Variants in MGAT4C observed in about 807,000 individuals in gnomAD.
MGAT4C encodes MGAT4 family member C, also known as alpha-1,3-mannosyl-glycoprotein 4-beta-N-acetylglucosaminyltransferase C.
A neutral mutation model predicts 40.1 loss-of-function variants in MGAT4C; 19 were observed. That is an observed-to-expected ratio of 0.47 (90% CI 0.33 to 0.70). The LOEUF (loss-of-function observed/expected upper bound fraction) is 0.70. Ranked by LOEUF, MGAT4C falls within the 30% of genes least tolerant of loss-of-function variation. The pLI is 0.02. For missense variants in MGAT4C, 491 were observed against 563.2 expected, an observed-to-expected ratio of 0.87 and a Z score of 1.30; for synonymous variants, 181 against 187.1, an observed-to-expected ratio of 0.97 and a Z score of 0.27.
intron 3 of MGAT4C, among the ~76,000 whole-genome samples, chr12:86,393,126 A>C: frequency 1.3e-5 from 2 of 152,280 alleles, no homozygotes; most frequent in Middle Eastern, 6.9e-3. Flanking sequence ...ATACTTATTT[A>C]ACTTTGGATT....
At chr12:86,780,833 C>T (rs1210912187) in intron 1 of MGAT4C, among the ~76,000 whole-genome samples, 1 of 152,118 alleles carries the variant, frequency 6.6e-6, no homozygotes, top group East Asian at 1.9e-4. Flanking sequence ...TCTGAGTCTC[C>T]AATGTCTGTT....
chr12:86,393,692 G>A (rs1956196745), intron 3 of MGAT4C, among the ~76,000 whole-genome samples: 1 of 152,126 alleles, frequency 6.6e-6, no homozygotes, highest in African/African-American at 2.4e-5. Context: ...TCCAGCCTTG[G>A]AGGGTATAGT....
chr12:86,537,515 G>A (rs1186944858), intron 2 of MGAT4C, among the ~76,000 whole-genome samples: 3 of 151,612 alleles, frequency 2.0e-5, no homozygotes, highest in African/African-American at 4.8e-5. Context: ...CAACCAAAAA[G>A]GAAAAAAAAG....
upstream of MGAT4C, among the ~76,000 whole-genome samples, chr12:86,261,147 C>A (rs951961949): frequency 2.0e-5 from 3 of 152,062 alleles, no homozygotes; most frequent in African/African-American, 7.2e-5. Flanking sequence ...TCTAGCACTA[C>A]CTTGTACAGA....
intron 2 of MGAT4C, among the ~76,000 whole-genome samples, chr12:86,439,189 C>T (rs185828536): frequency 9.3e-4 from 141 of 151,926 alleles, no homozygotes; most frequent in African/African-American, 3.3e-3. Flanking sequence ...TCTCATCAGC[C>T]TACAAATCAT....
At chr12:86,409,559 C>T (rs577846340) in intron 3 of MGAT4C, among the ~76,000 whole-genome samples, 3 of 152,246 alleles carry the variant, frequency 2.0e-5, no homozygotes, top group South Asian at 4.1e-4. Context: ...AGAAAAATTA[C>T]TTCTACAAGG....
intron 1 of MGAT4C, among the ~76,000 whole-genome samples, chr12:86,813,827 TA>T (rs1952526502): frequency 2.0e-5 from 3 of 152,294 alleles, no homozygotes; most frequent in Admixed American, 2.0e-4. Context: ...TCCATTTATT[TA>T]AACATTCTAT....
At chr12:86,167,262 T>C (rs1250094752) in intron 1 of MGAT4C, among the ~76,000 whole-genome samples, 1 of 152,230 alleles carries the variant, frequency 6.6e-6, no homozygotes, top group African/African-American at 2.4e-5. Context: ...ATGATAGTTA[T>C]AGTCATACAA....
intron 2 of MGAT4C, among the ~76,000 whole-genome samples, chr12:86,512,139 A>C (rs1958598767): frequency 6.6e-6 from 1 of 152,182 alleles, no homozygotes; most frequent in Non-Finnish European, 1.5e-5. Flanking sequence ...CAAAGAAGAC[A>C]TACAAATGTC....
At chr12:86,616,933 CA>C (rs1206910699) in intron 2 of MGAT4C, among the ~76,000 whole-genome samples, 1 of 151,964 alleles carries the variant, frequency 6.6e-6, no homozygotes, top group African/African-American at 2.4e-5. Context: ...TCTTACTTCT[CA>C]AAAACCTGTT....
At chr12:86,326,684 A>G (rs1050523106) in intron 4 of MGAT4C, among the ~76,000 whole-genome samples, 7 of 152,134 alleles carry the variant, frequency 4.6e-5, no homozygotes, top group Non-Finnish European at 8.8e-5. Context: ...ATATCTAATC[A>G]CTTATAAAAT....
chr12:86,064,257 G>C (rs1268625190), intron 1 of MGAT4C, among the ~76,000 whole-genome samples: 2 of 152,134 alleles, frequency 1.3e-5, no homozygotes, highest in Non-Finnish European at 2.9e-5. Flanking sequence ...CACTCAACCT[G>C]TAGTCCCAGC....
At chr12:86,490,679 G>C (rs1958114851) in intron 2 of MGAT4C, among the ~76,000 whole-genome samples, 1 of 151,230 alleles carries the variant, frequency 6.6e-6, no homozygotes, top group South Asian at 2.1e-4. Flanking sequence ...CAGGAAAGCA[G>C]AGACACACAT....
intron 2 of MGAT4C, among the ~76,000 whole-genome samples, chr12:86,439,635 C>A (rs747384243): frequency 6.6e-5 from 10 of 151,862 alleles, no homozygotes; most frequent in Non-Finnish European, 1.3e-4. Context: ...AAGATCAGAG[C>A]AGAACTAAGT....
intron 4 of MGAT4C, among the ~76,000 whole-genome samples, chr12:86,292,436 T>C (rs1953545199): frequency 2.1e-5 from 2 of 95,346 alleles, no homozygotes; most frequent in African/African-American, 6.6e-5. Context: ...AGAAAAACCC[T>C]ACTACTTTTT....
At chr12:86,383,866 A>G (rs937833289) in intron 3 of MGAT4C, among the ~76,000 whole-genome samples, 3 of 152,168 alleles carry the variant, frequency 2.0e-5, no homozygotes, top group African/African-American at 7.2e-5. Context: ...ATGTGAGGAC[A>G]TGAGATTTGA....
intron 3 of MGAT4C, among the ~76,000 whole-genome samples, chr12:86,418,626 A>G (rs905130451): frequency 2.0e-5 from 3 of 146,854 alleles, no homozygotes; most frequent in African/African-American, 7.7e-5. Flanking sequence ...ATAAATAAAT[A>G]AATGTAATGA....
intron 3 of MGAT4C, among the ~76,000 whole-genome samples, chr12:85,985,654 G>A (rs1885120920): frequency 6.6e-6 from 1 of 152,044 alleles, no homozygotes; most frequent in Admixed American, 6.6e-5. Flanking sequence ...AACCTTAGAT[G>A]CTAAATTACT....
chr12:86,146,562 T>C (rs1178738997), intron 1 of MGAT4C, among the ~76,000 whole-genome samples: 1 of 152,110 alleles, frequency 6.6e-6, no homozygotes, highest in Admixed American at 6.5e-5. Context: ...TAAATCTCTC[T>C]AAGAACTGGG....
Sources: gnomAD v4.1 joint callset for allele counts (sites outside exome capture counted in the v4.1 genomes callset) on GRCh38, gnomAD v4.1.1 for gene constraint, MANE v1.5 for transcripts, NCBI Gene and HGNC (gene_info 2026-07-23, HGNC 2026-07-21) for gene names.